Variants in CDK13 observed in about 807,000 individuals in gnomAD.
CDK13 encodes the protein cyclin dependent kinase 13, also known as cyclin-dependent kinase 13.
In CDK13, 40 loss-of-function variants were observed where a neutral mutation model predicts 137.6. The ratio of observed to expected loss-of-function variants is 0.29; its 90% CI spans 0.23 to 0.38. CDK13 has a LOEUF of 0.38. Among genes scored for constraint, CDK13 ranks in the 10% least tolerant of loss-of-function variants. CDK13 has a pLI of 1.00. For synonymous variants in CDK13, 869 were observed against 760.1 expected (o/e 1.14, Z -2.36); for missense variants, 1,704 against 1,951.8 (o/e 0.87, Z 2.39).
chr7:40,085,092 A>ATACC (rs1786756612), intron 11 of CDK13, among the ~76,000 whole-genome samples: 1 of 152,120 alleles, frequency 6.6e-6, no homozygotes, highest in African/African-American at 2.4e-5. Context: ...CAGGTACGGT[A>ATACC]GCTCATGCCT....
At chr7:40,041,408 T>C (rs754586750) in intron 5 of CDK13, among the ~76,000 whole-genome samples, 8 of 152,372 alleles carry the variant, frequency 5.3e-5, no homozygotes, top group South Asian at 2.1e-4. Context: ...CCACAAATTA[T>C]TGAGATATTT....
rs778650556 is a variant in CDK13 at position 39,951,495 on chromosome 7, C to T, written c.854C>T (p.Ser285Leu). ...DSKAHRSRTK[S>L]SKEPPSAYKE... is the part of the protein sequence containing the mutation. ...AAGGCCCACCGCAGCCGGACTAAGT[C>T]GTCCAAGGAGCCGCCTTCGGCCTAC... The change falls in exon 1 of 14, where the codon TCG (serine) becomes TTG (leucine). Residue 285 changes from serine to leucine, a missense_variant. Physicochemically the swap from Ser to Leu is moderately radical, Grantham distance 145. This residue lies in a region of CDK13 where 1,051 missense variants were observed against 931.0 expected (regional missense o/e 1.13). Transcript: ENST00000181839. The T allele has an allele frequency of 6.5e-7, 1 of 1,537,284 alleles. No individual in the cohort carries two copies. The highest frequency in any genetic ancestry group is 1.2e-5 in the South Asian group (1 of 82,766).
At chr7:39,958,688 G>C (rs920369032) in intron 1 of CDK13, among the ~76,000 whole-genome samples, 7 of 150,602 alleles carry the variant, frequency 4.6e-5, no homozygotes, top group African/African-American at 1.7e-4. Context: ...TAAATTCTTA[G>C]TTTTGTTTTT....
At chr7:40,071,235 GGAGTTTTT>G (rs1562759866) in intron 9 of CDK13, 1 of 152,026 alleles carries the variant, frequency 6.6e-6, no homozygotes, top group African/African-American at 2.4e-5. Context: ...AAAGATCCCG[GGAGTTTTT>G]GTATCTACTG....
chr7:39,973,230 G>C (rs1413281411), intron 1 of CDK13, among the ~76,000 whole-genome samples: 3 of 152,060 alleles, frequency 2.0e-5, no homozygotes, highest in African/African-American at 7.2e-5. Flanking sequence ...TCCATCTCTA[G>C]GACTCAAACA....
At chr7:39,986,675 C>A (rs1476341246) in intron 1 of CDK13, 1 of 152,086 alleles carries the variant, frequency 6.6e-6, no homozygotes, top group Non-Finnish European at 1.5e-5. Flanking sequence ...TACTCTCATT[C>A]ATTTTGAAAA....
Position 39,988,043 on chromosome 7 carries a change from G to T in CDK13, c.1656G>T (p.Leu552Phe), listed in dbSNP as rs757313115. Residue 552 changes from leucine (L) to phenylalanine (F), a missense_variant, in exon 2 of 14, where the codon TTG becomes TTT. Transcript: ENST00000181839. ...PLQVTKVENN[L>F]IVDKATKKAV... Reference sequence around the variant, plus strand: ...AGGTAACGAAGGTGGAAAATAATTTGATTGTAGATAAAGCCACCAAGAAAG... The same window carrying T: ...AGGTAACGAAGGTGGAAAATAATTTTATTGTAGATAAAGCCACCAAGAAAG... The T allele has an allele frequency of 6.8e-6, 11 of 1,613,958 alleles. No homozygotes were observed. In the East Asian group the frequency reaches 2.5e-4, roughly 36 times the overall value.
chr7:39,965,734 A>G (rs986850932), intron 1 of CDK13, among the ~76,000 whole-genome samples: 1 of 152,166 alleles, frequency 6.6e-6, no homozygotes, highest in African/African-American at 2.4e-5. Flanking sequence ...ACAATTTGGT[A>G]TGTTTTTGCA....
chr7:40,056,049 C>G (rs1014498274), intron 7 of CDK13, among the ~76,000 whole-genome samples: 2 of 152,108 alleles, frequency 1.3e-5, no homozygotes, highest in African/African-American at 2.4e-5. Flanking sequence ...GCATCCTAAT[C>G]GTAACGTGGA....
intron 9 of CDK13, among the ~76,000 whole-genome samples, chr7:40,065,106 G>A (rs1184358966): frequency 6.6e-6 from 1 of 150,894 alleles, no homozygotes; most frequent in East Asian, 2.0e-4. Flanking sequence ...CAATAGACAA[G>A]TAAAAAGGGT....
At chr7:40,046,461 T>C (rs1488311042) in intron 6 of CDK13, among the ~76,000 whole-genome samples, 2 of 150,786 alleles carry the variant, frequency 1.3e-5, no homozygotes, top group Admixed American at 1.3e-4. Flanking sequence ...CTGGCCAACG[T>C]TGATGAAACC....
intron 5 of CDK13, among the ~76,000 whole-genome samples, chr7:40,033,419 C>CT: frequency 6.6e-6 from 1 of 152,244 alleles, no homozygotes; most frequent in Admixed American, 6.5e-5. Flanking sequence ...GACTCTGATG[C>CT]TTGTTTCTTC....
chr7:39,996,829 G>A (rs1784569298), intron 2 of CDK13, among the ~76,000 whole-genome samples: 1 of 151,696 alleles, frequency 6.6e-6, no homozygotes, highest in Admixed American at 6.6e-5. Context: ...TGGTTGTGGT[G>A]GCGGGCACCT....
intron 7 of CDK13, chr7:40,062,130 T>G (rs978873610): frequency 3.9e-5 from 6 of 152,166 alleles, no homozygotes; most frequent in African/African-American, 1.4e-4. Context: ...CTATATCTTG[T>G]CATCCATTAG....
intron 5 of CDK13, among the ~76,000 whole-genome samples, chr7:40,008,590 AACTT>A (rs1196526053): frequency 6.6e-6 from 1 of 152,198 alleles, no homozygotes; most frequent in African/African-American, 2.4e-5. Flanking sequence ...GAAGTGAAAA[AACTT>A]AAACAGTAAC....
intron 4 of CDK13, 77 bp from the exon 5 acceptor site, chr7:40,001,784 A>C: frequency 1.1e-6 from 1 of 916,206 alleles, no homozygotes; most frequent in Non-Finnish European, 1.7e-6. Context: ...GAATTGAATT[A>C]AAATACATTT....
chr7:40,033,725 T>C (rs1217135352), intron 5 of CDK13, among the ~76,000 whole-genome samples: 1 of 152,186 alleles, frequency 6.6e-6, no homozygotes, highest in Non-Finnish European at 1.5e-5. Context: ...AGGAGCCATA[T>C]TTGTATAGTG....
At chr7:39,991,414 T>TAA (rs1784452394) in intron 2 of CDK13, among the ~76,000 whole-genome samples, 1 of 152,134 alleles carries the variant, frequency 6.6e-6, no homozygotes, top group Non-Finnish European at 1.5e-5. Flanking sequence ...GATCTTTGCT[T>TAA]TCTTTGAGCA....
chr7:40,083,399 C>G (rs1019646502), intron 11 of CDK13, among the ~76,000 whole-genome samples: 1 of 151,810 alleles, frequency 6.6e-6, no homozygotes, highest in Non-Finnish European at 1.5e-5. Flanking sequence ...AGTTGTCTTA[C>G]CAATGCTTAT....
Sources: gnomAD v4.1 joint callset for allele counts (sites outside exome capture counted in the v4.1 genomes callset) on GRCh38, gnomAD v4.1.1 for gene constraint, gnomAD v4.1.1 regional missense constraint, MANE v1.5 for transcripts, NCBI Gene and HGNC (gene_info 2026-07-23, HGNC 2026-07-21) for gene names.